Variants in FREM2 observed in about 807,000 individuals in gnomAD.
FREM2 encodes the protein FRAS1-related extracellular matrix protein 2.
Under a neutral mutation model 219.9 loss-of-function variants are expected in FREM2, and 119 were observed. That is an observed-to-expected ratio of 0.54 (90% CI 0.47 to 0.63). The LOEUF is 0.63. Ranked by LOEUF, FREM2 falls within the 30% of genes least tolerant of loss-of-function variation. FREM2 has a pLI of 0.00. For synonymous variants in FREM2, 1,562 were observed against 1,522.8 expected (o/e 1.03, Z -0.60); for missense variants, 4,030 against 3,993.6 (o/e 1.01, Z -0.25).
In FREM2 at chr13:38,711,344, A is replaced by G. The variant is rs144595803; in HGVS notation, c.5263+13557A>G. Among the ~76,000 whole-genome samples, 118 of 152,314 alleles carry G rather than the reference A, an allele frequency of 7.7e-4. 1 individual carries two copies. Among genetic ancestry groups the G allele is most frequent in the African/African-American group, 2.7e-3 (111 of 41,574 alleles). On this transcript the variant is annotated intron_variant, in intron 2 of 23. Transcript: ENST00000280481. Reference sequence around the variant, plus strand: ...TGTAGGATGAAGATAGCAGTAAGAGATAAAGTGGACTAGCAAAGCATTTTA... The same window carrying G: ...TGTAGGATGAAGATAGCAGTAAGAGGTAAAGTGGACTAGCAAAGCATTTTA...
chr13:38,696,232 A>G (rs979411667), intron 1 of FREM2, among the ~76,000 whole-genome samples: 4 of 152,226 alleles, frequency 2.6e-5, no homozygotes, highest in Admixed American at 2.0e-4. Flanking sequence ...ACCATTAACT[A>G]TAAAATCAGA....
chr13:38,687,910 T>C lies in FREM2; in HGVS notation c.566T>C (p.Val189Ala). Residue 189 changes from valine to alanine, a missense_variant, in exon 1 of 24, where the codon GTC (valine) becomes GCC (alanine). Around this residue, in one of 2 missense-constraint regions of FREM2, gnomAD observed 3,102 missense variants for 2,950.7 expected, o/e 1.05. Transcript: ENST00000280481. ...LEVVTRNLPL[V>A]VEELLGTSNA... ...GTTGTGACTCGGAACTTGCCTCTGG[T>C]CGTGGAAGAGCTGCTGGGGACCAGC... 1 of 1,593,576 alleles carries C rather than the reference T, an allele frequency of 6.3e-7. No homozygotes were observed. Among genetic ancestry groups the C allele is most frequent in the Non-Finnish European group, 8.6e-7 (1 of 1,168,526 alleles).
At position 38,711,071 on chromosome 13, in the gene FREM2, C is replaced by T. The variant is rs147736380; in HGVS notation, c.5263+13284C>T. Among the ~76,000 whole-genome samples, 47 of 152,278 alleles carry T rather than the reference C, an allele frequency of 3.1e-4. No homozygotes were observed. In the East Asian group the frequency reaches 7.1e-3, roughly 23 times the overall value. Reference sequence around the variant, plus strand: ...ATGCTGCCATTTCTTTGACTTGGTTCATGTAATAAGCATATTGTACCTTCT... The same window carrying T: ...ATGCTGCCATTTCTTTGACTTGGTTTATGTAATAAGCATATTGTACCTTCT... On this transcript the variant is annotated intron_variant, in intron 2 of 23. Coordinates refer to ENST00000280481, the MANE Select transcript of FREM2 (RefSeq NM_207361.6).
intron 11 of FREM2, 63 bp from the exon 12 acceptor site, chr13:38,856,063 A>G: frequency 8.2e-7 from 1 of 1,213,312 alleles, no homozygotes; most frequent in Non-Finnish European, 1.2e-6. Flanking sequence ...AAAAAAAAAA[A>G]AAAATAGAAA....
chr13:38,881,157 G>C lies in FREM2; in HGVS notation c.*370G>C. ...GAATCTACTGTTGCTATGTTAGTGT[G>C]AATGTTGAAGGTGCAATTATCACAT... On this transcript the variant is annotated 3_prime_UTR_variant, in exon 24 of 24. Transcript: ENST00000280481. 3.3e-6 allele frequency: 1 copy of C among 304,914 alleles called. No homozygotes were observed. Among genetic ancestry groups the C allele is most frequent in the South Asian group, 3.5e-5 (1 of 28,616 alleles). 18.9% of individuals were successfully genotyped at this position (304,914 alleles called of 1,614,324 possible). A position where few individuals can be genotyped will look rare whatever the true frequency, so the allele number is the denominator to read the frequency against.
intron 6 of FREM2, among the ~76,000 whole-genome samples, chr13:38,845,816 G>C (rs1877130424): frequency 6.6e-6 from 1 of 152,094 alleles, no homozygotes; most frequent in South Asian, 2.1e-4. Context: ...ACAATGATTA[G>C]ATCAATTCAA....
chr13:38,796,501 C>A (rs1246472747), intron 6 of FREM2, among the ~76,000 whole-genome samples: 9 of 152,106 alleles, frequency 5.9e-5, no homozygotes. Flanking sequence ...TGATGCTAGG[C>A]ATTTTAACAA....
rs1482794818 is a variant in FREM2 at position 38,874,583 on chromosome 13, C to A, written c.8278C>A (p.Pro2760Thr). The change falls in exon 18 of 24, where the codon CCC becomes ACC. Residue 2760 changes from proline to threonine, a missense_variant. Around this residue, in one of 2 missense-constraint regions of FREM2, gnomAD observed 928 missense variants for 1,042.9 expected, o/e 0.89. Transcript: ENST00000280481. ...QFHGLFVLSH[P>T]ASFTSSVIMS... is the part of the protein sequence containing the mutation. ...CCATGGCTTATTTGTGCTGTCACAT[C>A]CCGGTAAGCCCCGTTATCTTTTAAC... The A allele has an allele frequency of 6.2e-7, 1 of 1,612,036 alleles. No homozygotes were observed. Among genetic ancestry groups the A allele is most frequent in the East Asian group, 2.2e-5 (1 of 44,864 alleles).
At chr13:38,697,630 A>C in intron 1 of FREM2, 68 bp from the exon 2 acceptor site, 2 of 923,268 alleles carry the variant, frequency 2.2e-6, no homozygotes, top group Non-Finnish European at 3.6e-6. Context: ...TAGCCAATAA[A>C]ATTTACCATA....
chr13:38,689,283 G>A lies in FREM2; in HGVS notation c.1939G>A (p.Asp647Asn). 2.5e-6 allele frequency: 4 copies of A among 1,614,112 alleles called. No homozygotes were observed. The highest frequency in any genetic ancestry group is 3.4e-6 in the Non-Finnish European group (4 of 1,180,014). ...AACAGTGACAGAGTGGCAGCAGCAG[G>A]ACATAACAGAGGGCAGGCTGTTCTA... ...ERTVTEWQQQDITEGRLFYRH... is the reference protein window; with the variant it reads ...ERTVTEWQQQNITEGRLFYRH... The change falls in exon 1 of 24, where the codon GAC (aspartate) becomes AAC (asparagine). Residue 647 changes from aspartate to asparagine, a missense_variant. Around this residue, in one of 2 missense-constraint regions of FREM2, gnomAD observed 3,102 missense variants for 2,950.7 expected, o/e 1.05. Coordinates refer to ENST00000280481, the MANE Select transcript of FREM2 (RefSeq NM_207361.6).
chr13:38,872,647 C>A, intron 16 of FREM2, 95 bp from the exon 17 acceptor site: 1 of 993,390 alleles, frequency 1.0e-6, no homozygotes, highest in Non-Finnish European at 1.6e-6. Context: ...TACTCAAAAT[C>A]TTCAGTTAAG....
chr13:38,795,465 A>G (rs187924141), intron 6 of FREM2, among the ~76,000 whole-genome samples: 1 of 152,098 alleles, frequency 6.6e-6, no homozygotes, highest in East Asian at 1.9e-4. Context: ...TTACTAATAC[A>G]AAAATGTACA....
chr13:38,742,505 G>A (rs960478694), intron 2 of FREM2, among the ~76,000 whole-genome samples: 2 of 152,230 alleles, frequency 1.3e-5, no homozygotes, highest in South Asian at 2.1e-4. Context: ...GTTGTAGCTG[G>A]GTTTTTCCCA....
intron 2 of FREM2, among the ~76,000 whole-genome samples, chr13:38,712,190 A>G (rs1258588038): frequency 6.6e-6 from 1 of 151,966 alleles, no homozygotes; most frequent in Non-Finnish European, 1.5e-5. Flanking sequence ...CACCGCGCCC[A>G]GCCCCTGAGA....
chr13:38,708,375 C>T (rs774185114), intron 2 of FREM2, among the ~76,000 whole-genome samples: 45 of 152,116 alleles, frequency 3.0e-4, no homozygotes, highest in Admixed American at 1.6e-3. Context: ...GATTTTAGAC[C>T]GGGCGCAGTG....
rs2137911471 is a variant in FREM2, at chr13:38,850,990, C to CT, written c.6625dup (p.Tyr2209LeufsTer2). The CT allele has an allele frequency of 6.2e-7, 1 of 1,613,494 alleles. No individual in the cohort carries two copies. On this transcript the variant is annotated frameshift_variant, in exon 10 of 24. Coordinates refer to ENST00000280481, the MANE Select transcript of FREM2 (RefSeq NM_207361.6). LOFTEE classifies it high-confidence loss of function. ...TTCTTGAGCTGATGGACGATGTGCTCTATGAGGAGGTAGAGGAGCTCCGCC... is the reference window on the plus strand; with the variant it reads ...TTCTTGAGCTGATGGACGATGTGCTCTTATGAGGAGGTAGAGGAGCTCCGCC...
At chr13:38,767,514 T>C (rs559318702) in intron 3 of FREM2, among the ~76,000 whole-genome samples, 1 of 152,224 alleles carries the variant, frequency 6.6e-6, no homozygotes, top group African/African-American at 2.4e-5. Flanking sequence ...AAAAAACAAA[T>C]AATGCATTGC....
intron 23 of FREM2, among the ~76,000 whole-genome samples, 170 bp downstream of exon 23, chr13:38,879,147 G>A (rs1878456124): frequency 6.6e-6 from 1 of 152,148 alleles, no homozygotes; most frequent in African/African-American, 2.4e-5. Flanking sequence ...CCCTATGCTG[G>A]GCATATGGTG....
At chr13:38,796,086 A>G (rs1253245052) in intron 6 of FREM2, among the ~76,000 whole-genome samples, 1 of 152,028 alleles carries the variant, frequency 6.6e-6, no homozygotes, top group Non-Finnish European at 1.5e-5. Flanking sequence ...TGGCTGGCAA[A>G]TCAGGTTTAG....
Sources: allele counts gnomAD v4.1 joint callset (sites outside exome capture counted in the v4.1 genomes callset), GRCh38; gene constraint gnomAD v4.1.1; regional missense constraint gnomAD v4.1.1; transcripts MANE v1.5; gene names NCBI Gene and HGNC (gene_info 2026-07-23, HGNC 2026-07-21).